Variants in MLPH observed in about 807,000 individuals in gnomAD.
The protein encoded by MLPH is exophilin-3.
In MLPH, 51 loss-of-function variants were observed where a neutral mutation model predicts 72.1. That is an observed-to-expected ratio of 0.71 (90% confidence interval 0.56 to 0.89). MLPH has a LOEUF of 0.89. Among genes scored for constraint, MLPH ranks in the 40% least tolerant of loss-of-function variants. MLPH has a pLI of 0.00. For synonymous variants in MLPH, 301 were observed against 310.1 expected, an observed-to-expected ratio of 0.97 and a Z score of 0.31; for missense variants, 743 against 759.9, an observed-to-expected ratio of 0.98 and a Z score of 0.26.
At chr2:237,502,305 A>G (rs773513152) in intron 2 of MLPH, among the ~76,000 whole-genome samples, 37 of 151,900 alleles carry the variant, frequency 2.4e-4, no homozygotes, top group Non-Finnish European at 4.1e-4. Context: ...ACATTGGTTA[A>G]TAGTCACAGC....
Position 237,492,656 on chromosome 2 carries a change from T to A in MLPH, c.-24-747T>A, listed in dbSNP as rs141351450. Reference sequence around the variant, plus strand: ...CTGCTCATCCTGCCCAGATGTTTTGTTCTCCCAAGTTGCATCACTTTTGCC... The same window carrying A: ...CTGCTCATCCTGCCCAGATGTTTTGATCTCCCAAGTTGCATCACTTTTGCC... On this transcript the variant is annotated intron_variant, in intron 1 of 15. Transcript: ENST00000264605. 4.6e-5 allele frequency among the ~76,000 whole-genome samples: 7 copies of A among 152,250 alleles called. 1 individual carries two copies. The East Asian group carries it at 1.4e-3, about 29-fold the overall frequency.
intron 6 of MLPH, among the ~76,000 whole-genome samples, chr2:237,525,300 G>T (rs1398983928): frequency 6.6e-6 from 1 of 152,228 alleles, no homozygotes; most frequent in Non-Finnish European, 1.5e-5. Context: ...CCCTGAGGCT[G>T]TGTCAGGAGA....
chr2:237,527,499 G>T lies in MLPH; in HGVS notation c.1003G>T (p.Ala335Ser). Residue 335 changes from alanine (A) to serine (S), a missense_variant, in exon 8 of 16, where the codon GCG (alanine) becomes TCG (serine). Coordinates refer to ENST00000264605, the MANE Select transcript of MLPH (RefSeq NM_024101.7). ...CCACCATTCCAAGCGGAGAGGCCGG[G>T]CGTCTTCTGAGAGTCAGGTAACGGT... ...ASHHSKRRGR[A>S]SSESQIFELN... 2 of 1,614,148 alleles carry T rather than the reference G, an allele frequency of 1.2e-6. No homozygotes were observed. Among genetic ancestry groups the T allele is most frequent in the Non-Finnish European group, 1.7e-6 (2 of 1,180,038 alleles).
At chr2:237,537,224 T>C (rs2080551392) in intron 9 of MLPH, among the ~76,000 whole-genome samples, 1 of 149,068 alleles carries the variant, frequency 6.7e-6, no homozygotes, top group South Asian at 2.1e-4. Flanking sequence ...ACGTATGTTG[T>C]CATGTGTTTT....
At chr2:237,535,289 A>G (rs1325337581) in intron 9 of MLPH, among the ~76,000 whole-genome samples, 1 of 152,038 alleles carries the variant, frequency 6.6e-6, no homozygotes. Flanking sequence ...TTCCTTCAAT[A>G]ATGATATTAA....
At chr2:237,524,739 A>C (rs191892352) in intron 6 of MLPH, among the ~76,000 whole-genome samples, 1 of 152,176 alleles carries the variant, frequency 6.6e-6, no homozygotes, top group East Asian at 1.9e-4. Context: ...ACAGGCAGGC[A>C]GTGAAGGTAA....
intron 4 of MLPH, among the ~76,000 whole-genome samples, chr2:237,513,256 G>A (rs1202987376): frequency 6.6e-6 from 1 of 152,206 alleles, no homozygotes; most frequent in Non-Finnish European, 1.5e-5. Context: ...TTTCACCAAG[G>A]CCTTCCATAG....
chr2:237,505,607 CCT>C lies in MLPH; in HGVS notation c.111-4966_111-4965del, dbSNP rs996938683. Among the ~76,000 whole-genome samples, 5 of 152,218 alleles carry C rather than the reference CCT, an allele frequency of 3.3e-5. No homozygotes were observed. The highest frequency in any genetic ancestry group is 7.2e-5 in the African/African-American group (3 of 41,458). ...TATTCCTGCATGTTGCCACCACACC[CCT>C]GTCTAGATTTCACCCCAAGAGGGGC... On this transcript the variant is annotated intron_variant, in intron 2 of 15. Coordinates refer to ENST00000264605, the MANE Select transcript of MLPH (RefSeq NM_024101.7). This position sits in a 1 kb window ranked among gnomAD's most constrained non-coding sequence, Gnocchi z 4.5.
intron 1 of MLPH, among the ~76,000 whole-genome samples, chr2:237,488,096 G>A (rs1314080852): frequency 1.3e-5 from 2 of 152,104 alleles, no homozygotes; most frequent in Non-Finnish European, 2.9e-5. Flanking sequence ...CTTAGACACC[G>A]CGTCCCACTG....
At chr2:237,494,139 G>A (rs2079485892) in intron 2 of MLPH, among the ~76,000 whole-genome samples, 1 of 152,164 alleles carries the variant, frequency 6.6e-6, no homozygotes, top group South Asian at 2.1e-4. Context: ...AAGCATATGA[G>A]GGAAGTAGTT....
chr2:237,506,931 C>T (rs929975256), intron 2 of MLPH, among the ~76,000 whole-genome samples: 1 of 151,870 alleles, frequency 6.6e-6, no homozygotes, highest in Admixed American at 6.6e-5. Flanking sequence ...AATCTAGGCT[C>T]ATACAGATAC....
At chr2:237,540,591 A>G in intron 10 of MLPH, 58 bp downstream of exon 10, 1 of 1,565,528 alleles carries the variant, frequency 6.4e-7, no homozygotes, top group Admixed American at 1.8e-5. Context: ...GCAGGGATGG[A>G]CAGTCCCAGC....
intron 6 of MLPH, among the ~76,000 whole-genome samples, chr2:237,524,864 G>A (rs910945308): frequency 2.6e-5 from 4 of 152,198 alleles, no homozygotes; most frequent in Non-Finnish European, 5.9e-5. Flanking sequence ...GAGCTGGGGC[G>A]GGGCTCGGTC....
chr2:237,489,017 G>A (rs765157361), intron 1 of MLPH, among the ~76,000 whole-genome samples: 2 of 152,030 alleles, frequency 1.3e-5, no homozygotes, highest in Non-Finnish European at 2.9e-5. Context: ...ATCATCCAGG[G>A]CTGGAGAGGG....
chr2:237,542,639 CG>C lies in MLPH; in HGVS notation c.1521del (p.Arg508GlyfsTer40). 1 of 1,587,984 alleles carries C rather than the reference CG, an allele frequency of 6.3e-7. No homozygotes were observed. Among genetic ancestry groups the C allele is most frequent in the Non-Finnish European group, 8.6e-7 (1 of 1,168,296 alleles). ...CACGGTGAAGCCCTCGGGAAAGCCC[CG>C]GAGGAAGTCAAACCTCCCGGTGAGT... ...GLTVKPSGKP[R>X]RKSNLPIFLP... On this transcript the variant is annotated frameshift_variant, in exon 12 of 16. Coordinates refer to ENST00000264605, the MANE Select transcript of MLPH (RefSeq NM_024101.7). LOFTEE classifies it high-confidence loss of function.
At chr2:237,538,199 C>A (rs1178167564) in intron 9 of MLPH, among the ~76,000 whole-genome samples, 1 of 152,188 alleles carries the variant, frequency 6.6e-6, no homozygotes, top group Non-Finnish European at 1.5e-5. Context: ...GCAGGAAACA[C>A]GCAACTGCTG....
intron 6 of MLPH, among the ~76,000 whole-genome samples, chr2:237,523,669 GT>G (rs2080237849): frequency 6.6e-6 from 1 of 152,132 alleles, no homozygotes; most frequent in African/African-American, 2.4e-5. Context: ...TGTAAAGAAG[GT>G]TTAATACTGT....
At position 237,552,325 on chromosome 2, in the gene MLPH, T is replaced by C. The variant is rs748012005; in HGVS notation, c.1676-12T>C. On this transcript the variant is annotated splice_polypyrimidine_tract_variant and intron_variant, in intron 14 of 15. Transcript: ENST00000264605. ...TGATAAAGCACCATCCCTCTTCCTG[T>C]TTTCCCCAAAGGTAAAGATGATGAT... is the stretch of plus-strand genomic sequence containing the variant. 1 of 1,612,940 alleles carries C rather than the reference T, an allele frequency of 6.2e-7. No individual in the cohort carries two copies. Among genetic ancestry groups the C allele is most frequent in the Non-Finnish European group, 8.5e-7 (1 of 1,178,932 alleles).
In MLPH at chr2:237,554,015, G is replaced by T; in HGVS notation, c.*423G>T. ...CACCAGCCATATGTGTATTCTTGATGGTCTATATCGGGGTGTGAGCAGATG... is the reference window on the plus strand; with the variant it reads ...CACCAGCCATATGTGTATTCTTGATTGTCTATATCGGGGTGTGAGCAGATG... On this transcript the variant is annotated 3_prime_UTR_variant, in exon 16 of 16. Coordinates refer to ENST00000264605, the MANE Select transcript of MLPH (RefSeq NM_024101.7). 2.9e-6 allele frequency: 1 copy of T among 347,374 alleles called. No individual in the cohort carries two copies. The highest frequency in any genetic ancestry group is 5.7e-6 in the Non-Finnish European group (1 of 176,506). The allele number at this position is 347,374 out of a possible 1,614,324, so 21.5% of individuals were successfully genotyped here.
Sources: gnomAD v4.1 joint callset for allele counts (sites outside exome capture counted in the v4.1 genomes callset) on GRCh38, gnomAD v4.1.1 for gene constraint, Gnocchi (gnomAD v3.1) non-coding constraint, MANE v1.5 for transcripts, NCBI Gene and HGNC (gene_info 2026-07-23, HGNC 2026-07-21) for gene names.